The following NHSL2 variants were observed in gnomAD, a reference collection of about 807,000 sequenced individuals.
The protein encoded by NHSL2 is NHS-like protein 2.
In NHSL2, 27 loss-of-function variants were observed where a neutral mutation model predicts 53.4. The observed-to-expected ratio is 0.51, with a 90% CI of 0.37 to 0.70. The LOEUF is 0.70. Among genes scored for constraint, NHSL2 ranks in the 30% least tolerant of loss-of-function variants. The pLI, the probability that NHSL2 is intolerant of heterozygous loss-of-function variation, is 0.00. For synonymous variants in NHSL2, 408 were observed against 404.1 expected (o/e 1.01, Z -0.12); for missense variants, 892 against 980.1 (o/e 0.91, Z 1.20).
rs1006763133 is a variant in NHSL2 at position 71,953,449 on chromosome X, TAA to T, written c.280+42085_280+42086del. ...ATCAATGAGTCACAGATTTTTTAAG[TAA>T]AAGAGTAAGAAATTGAAAAAAAATT... On this transcript the variant is annotated intron_variant, in intron 1 of 7. Transcript: ENST00000633930. Among the ~76,000 whole-genome samples, 14 of 112,076 alleles carry T rather than the reference TAA, an allele frequency of 1.2e-4. 1 individual carries two copies. Among genetic ancestry groups the T allele is most frequent in the African/African-American group, 4.5e-4 (14 of 30,815 alleles).
chrX:71,952,837 C>T (rs1262350104), intron 1 of NHSL2, among the ~76,000 whole-genome samples: 1 of 111,821 alleles, frequency 8.9e-6, no homozygotes, highest in African/African-American at 3.3e-5. Context: ...ACCTGGGGAC[C>T]AGATCCACAT....
chrX:72,104,266 T>C (rs1401380980), intron 1 of NHSL2, among the ~76,000 whole-genome samples: 1 of 112,716 alleles, frequency 8.9e-6, no homozygotes, highest in Non-Finnish European at 1.9e-5. Context: ...TGTTACTTAA[T>C]GTGTTAATAA....
Position 72,142,288 on chromosome X carries a change from G to A in NHSL2, c.3280G>A (p.Glu1094Lys). The change falls in exon 7 of 8, where the codon GAA (glutamate) becomes AAA (lysine). Residue 1094 changes from glutamate (E) to lysine (K), a missense_variant. By Grantham distance (56) the Glu-to-Lys change is moderately conservative. Transcript: ENST00000633930. ...AAGTTTAATCAGTGATAAAACAGCT[G>A]AATGGATTGCAGAGGATGATGATGA... ...EKSLISDKTA[E>K]WIAEDDDDVF... The A allele has an allele frequency of 8.6e-7, 1 of 1,156,855 alleles. No homozygotes were observed. The highest frequency in any genetic ancestry group is 3.3e-5 in the East Asian group (1 of 30,753).
chrX:71,911,504 G>T lies in NHSL2; in HGVS notation c.280+137G>T, dbSNP rs189815392. 1,696 of 548,088 alleles carry T rather than the reference G, an allele frequency of 3.1e-3. 3 individuals carry two copies. The highest frequency in any genetic ancestry group is 6.2e-3 in the Middle Eastern group (10 of 1,613). 45.2% of individuals were successfully genotyped at this position (548,088 alleles called of 1,213,427 possible). Reference sequence around the variant, plus strand: ...CTCCCCTCCATTCGGGGAGTGAGGGGATCCCATTTCCCCGACCCCCGCCTC... The same window carrying T: ...CTCCCCTCCATTCGGGGAGTGAGGGTATCCCATTTCCCCGACCCCCGCCTC... On this transcript the variant is annotated intron_variant, in intron 1 of 7. Transcript: ENST00000633930.
chrX:72,142,980 C>G (rs1406718804), intron 7 of NHSL2, among the ~76,000 whole-genome samples: 1 of 111,710 alleles, frequency 9.0e-6, no homozygotes, highest in African/African-American at 3.3e-5. Flanking sequence ...CTAGCCTTGA[C>G]TCCTGAAATT....
intron 1 of NHSL2, among the ~76,000 whole-genome samples, chrX:72,085,935 T>G (rs903313536): frequency 9.0e-6 from 1 of 110,525 alleles, no homozygotes; most frequent in African/African-American, 3.3e-5. Flanking sequence ...AAAAGATTCC[T>G]CGGGGCCTCC....
intron 1 of NHSL2, among the ~76,000 whole-genome samples, chrX:71,930,096 C>T (rs927934650): frequency 4.5e-5 from 5 of 111,947 alleles, no homozygotes; most frequent in Middle Eastern, 4.6e-3. Flanking sequence ...GATTGCACTT[C>T]CTCACCCCCT....
chrX:71,973,523 G>T (rs1439450284), intron 1 of NHSL2, among the ~76,000 whole-genome samples: 1 of 111,838 alleles, frequency 8.9e-6, no homozygotes, highest in Non-Finnish European at 1.9e-5. Context: ...CTTAAGGCTT[G>T]CCTTCAGGGT....
At chrX:72,039,509 G>A (rs1320417043) in intron 1 of NHSL2, among the ~76,000 whole-genome samples, 1 of 111,515 alleles carries the variant, frequency 9.0e-6, no homozygotes, top group Non-Finnish European at 1.9e-5. Flanking sequence ...CAAGTGTAGT[G>A]GCGTACACTT....
At chrX:72,099,361 ATTTTTTT>A (rs753132294) in intron 1 of NHSL2, among the ~76,000 whole-genome samples, 1 of 84,345 alleles carries the variant, frequency 1.2e-5, no homozygotes, top group African/African-American at 4.6e-5. Flanking sequence ...TTGTGTAGGA[ATTTTTTT>A]TTTTTTTTTT....
At position 72,139,432 on chromosome X, in the gene NHSL2, T is replaced by C. The variant is rs1244734781; in HGVS notation, c.1884T>C (p.Asp628=). ...ACCCAGCTATTCCAAACCACAAAGA[T>C]CCAGAAAGTACACAATTCTCCCACC... ...QGHPAIPNHK[D]PESTQFSHHW... The change falls in exon 6 of 8, where the codon GAT becomes GAC. Residue 628 remains aspartate, a synonymous_variant. Transcript: ENST00000633930. 1.7e-6 allele frequency: 2 copies of C among 1,208,314 alleles called. No homozygotes were observed. Among genetic ancestry groups the C allele is most frequent in the African/African-American group, 3.5e-5 (2 of 56,729 alleles).
intron 1 of NHSL2, among the ~76,000 whole-genome samples, chrX:71,994,041 T>A (rs1017577082): frequency 9.8e-5 from 11 of 112,064 alleles, no homozygotes; most frequent in Non-Finnish European, 1.7e-4. Flanking sequence ...ATGGCATCTC[T>A]GAGCCACTTT....
intron 1 of NHSL2, among the ~76,000 whole-genome samples, chrX:72,021,049 A>G (rs1009770215): frequency 9.9e-6 from 1 of 101,353 alleles, no homozygotes; most frequent in South Asian, 4.1e-4. Flanking sequence ...ACACACACAC[A>G]CGCGTGCGCA....
At chrX:71,971,694 ATTATTC>A (rs1269416846) in intron 1 of NHSL2, among the ~76,000 whole-genome samples, 1 of 112,195 alleles carries the variant, frequency 8.9e-6, no homozygotes, top group Non-Finnish European at 1.9e-5. Context: ...AAAATATGTA[ATTATTC>A]TTATATCATT....
intron 1 of NHSL2, among the ~76,000 whole-genome samples, chrX:71,943,121 C>T (rs754397999): frequency 9.0e-6 from 1 of 110,601 alleles, no homozygotes; most frequent in African/African-American, 3.3e-5. Flanking sequence ...TCTCCCTCTC[C>T]CTCTCTTTTT....
chrX:71,946,049 CG>C (rs1051094282), intron 1 of NHSL2, among the ~76,000 whole-genome samples: 8 of 112,167 alleles, frequency 7.1e-5, no homozygotes, highest in African/African-American at 2.6e-4. Flanking sequence ...TGAATAAGAT[CG>C]GCTCATTGTC....
At chrX:71,976,821 TGA>T (rs148996909) in intron 1 of NHSL2, among the ~76,000 whole-genome samples, 2,666 of 112,210 alleles carry the variant, frequency 0.024, 31 homozygotes, top group Non-Finnish European at 0.035. Flanking sequence ...CAGGAAGACA[TGA>T]GAGAGACTTG....
intron 1 of NHSL2, among the ~76,000 whole-genome samples, chrX:71,939,960 A>G (rs1233259207): frequency 1.8e-5 from 2 of 111,835 alleles, no homozygotes; most frequent in Non-Finnish European, 3.8e-5. Context: ...ATATTTGGCT[A>G]GAAATATAAA....
At position 72,140,387 on chromosome X, in the gene NHSL2, CTT is replaced by C; in HGVS notation, c.2840_2841del (p.Leu947ArgfsTer10). Reference sequence around the variant, plus strand: ...AGGGGAGTCAACAGCACCCTCATCTCTTGTTTTCACGCCTTTTGCCAGTTCCT... The same window carrying C: ...AGGGGAGTCAACAGCACCCTCATCTCGTTTTCACGCCTTTTGCCAGTTCCT... Reference protein sequence around the residue: ...SPGESTAPSSLVFTPFASSSD... With the variant: ...SPGESTAPSSXVFTPFASSSD... On this transcript the variant is annotated frameshift_variant, in exon 6 of 8. Transcript: ENST00000633930. LOFTEE classifies it high-confidence loss of function. The C allele has an allele frequency of 8.3e-7, 1 of 1,210,710 alleles. No individual in the cohort carries two copies. Among genetic ancestry groups the C allele is most frequent in the Non-Finnish European group, 1.1e-6 (1 of 894,948 alleles).
Sources: allele counts gnomAD v4.1 joint callset (sites outside exome capture counted in the v4.1 genomes callset), GRCh38; gene constraint gnomAD v4.1.1; transcripts MANE v1.5; gene names NCBI Gene and HGNC (gene_info 2026-07-23, HGNC 2026-07-21).